ITGA8: variants seen among roughly 807,000 people sequenced by gnomAD.
ITGA8 encodes integrin subunit alpha 8.
In ITGA8, 91 loss-of-function variants were observed where a neutral mutation model predicts 142.3. The ratio of observed to expected loss-of-function variants is 0.64; its 90% CI spans 0.54 to 0.76. The LOEUF (loss-of-function observed/expected upper bound fraction) is 0.76, where lower values mean the gene tolerates loss of function less well. Among genes scored for constraint, ITGA8 ranks in the 30% least tolerant of loss-of-function variants. The pLI, the probability that ITGA8 is intolerant of heterozygous loss-of-function variation, is 0.00. For missense variants in ITGA8, 1,406 were observed against 1,327.7 expected, an observed-to-expected ratio of 1.06 and a Z score of -0.92; for synonymous variants, 505 against 485.2, an observed-to-expected ratio of 1.04 and a Z score of -0.54.
At chr10:15,718,560 C>T (rs149904705) in intron 2 of ITGA8, among the ~76,000 whole-genome samples, 4 of 152,176 alleles carry the variant, frequency 2.6e-5, no homozygotes, top group Non-Finnish European at 5.9e-5. Flanking sequence ...AAAATAGTGT[C>T]CTTTCTCTAG....
At chr10:15,673,682 G>A (rs1834572770) in intron 6 of ITGA8, among the ~76,000 whole-genome samples, 1 of 152,144 alleles carries the variant, frequency 6.6e-6, no homozygotes, top group South Asian at 2.1e-4. Flanking sequence ...TAAACTCTTT[G>A]AGCCATCTGC....
chr10:15,572,497 T>C, intron 24 of ITGA8, 128 bp from the exon 25 acceptor site: 1 of 818,886 alleles, frequency 1.2e-6, no homozygotes, highest in Admixed American at 2.8e-5. Flanking sequence ...ACTATGACTA[T>C]GGAAAATAAG....
chr10:15,520,257 CA>C lies in ITGA8; in HGVS notation c.2983-846del, dbSNP rs1833033130. 2.0e-5 allele frequency among the ~76,000 whole-genome samples: 3 copies of C among 152,074 alleles called. No homozygotes were observed. In the South Asian group the frequency reaches 6.2e-4, roughly 32 times the overall value. On this transcript the variant is annotated intron_variant, in intron 28 of 29. Coordinates refer to ENST00000378076, the MANE Select transcript of ITGA8 (RefSeq NM_003638.3). ...TGAAACCCCATCTCCACTAAAGATA[CA>C]AAAAATTAGCTGGGTGTGGTGGCGC...
intron 3 of ITGA8, among the ~76,000 whole-genome samples, chr10:15,686,699 G>C (rs1477210367): frequency 6.6e-6 from 1 of 152,108 alleles, no homozygotes; most frequent in Non-Finnish European, 1.5e-5. Flanking sequence ...TGTTCATTCT[G>C]CTAAGTTTCA....
In ITGA8 at chr10:15,694,179, T is replaced by C. The variant is rs190341374; in HGVS notation, c.344-6141A>G. 3.7e-3 allele frequency among the ~76,000 whole-genome samples: 513 copies of C among 140,336 alleles called. 3 individuals carry two copies. In the Middle Eastern group the frequency reaches 0.047, roughly 13 times the overall value. The allele number at this position is 140,336 out of a possible 152,430, so 92.1% of individuals were successfully genotyped here. A position where few individuals can be genotyped will look rare whatever the true frequency, so the allele number is the denominator to read the frequency against. ...AGATAATATATCATATATCAGATAA[T>C]ATATCATATATATGATAATATATCA... On this transcript the variant is annotated intron_variant, in intron 2 of 29. Coordinates refer to ENST00000378076, the MANE Select transcript of ITGA8 (RefSeq NM_003638.3).
intron 27 of ITGA8, among the ~76,000 whole-genome samples, chr10:15,544,446 T>C (rs1319429015): frequency 1.3e-5 from 2 of 152,114 alleles, no homozygotes; most frequent in Non-Finnish European, 2.9e-5. Flanking sequence ...AGACTTCTGG[T>C]TTTGGACTTT....
At chr10:15,530,993 T>C (rs1833278793) in intron 28 of ITGA8, 57 bp downstream of exon 28, 1 of 1,024,546 alleles carries the variant, frequency 9.8e-7, no homozygotes, top group Non-Finnish European at 1.5e-6. Context: ...TAGACAGTGA[T>C]TAAAACAATT....
At chr10:15,621,889 G>A (rs1032833841) in intron 13 of ITGA8, among the ~76,000 whole-genome samples, 1 of 152,130 alleles carries the variant, frequency 6.6e-6, no homozygotes, top group Non-Finnish European at 1.5e-5. Context: ...TGGGCACGGT[G>A]GCTCATGCCT....
chr10:15,591,853 A>G (rs777576312), intron 22 of ITGA8, among the ~76,000 whole-genome samples: 2 of 152,146 alleles, frequency 1.3e-5, no homozygotes, highest in Non-Finnish European at 2.9e-5. Flanking sequence ...TGCAAAATCT[A>G]TGCTTTTTCT....
At chr10:15,519,237 A>G in intron 29 of ITGA8, 53 bp downstream of exon 29, 1 of 1,602,232 alleles carries the variant, frequency 6.2e-7, no homozygotes, top group Non-Finnish European at 8.5e-7. Context: ...ATCCCTCTAA[A>G]TTCCCTCAAC....
At chr10:15,561,144 C>T (rs933860563) in intron 25 of ITGA8, among the ~76,000 whole-genome samples, 7 of 149,392 alleles carry the variant, frequency 4.7e-5, no homozygotes, top group Non-Finnish European at 1.0e-4. Flanking sequence ...CCTGCCTCAG[C>T]CTCCCAAAAC....
At chr10:15,545,685 T>G (rs74474281) in intron 27 of ITGA8, among the ~76,000 whole-genome samples, 3 of 2,032 alleles carry the variant, frequency 1.5e-3, no homozygotes, top group African/African-American at 1.7e-3. Flanking sequence ...AGTTTGCCTG[T>G]TTTTTTTTTT....
At chr10:15,517,337 T>C in intron 29 of ITGA8, 93 bp from the exon 30 acceptor site, 1 of 826,486 alleles carries the variant, frequency 1.2e-6, no homozygotes, top group East Asian at 2.8e-5. Context: ...TATTTTTTTT[T>C]TTTTAAACTG....
At chr10:15,523,897 A>C (rs1022913612) in intron 28 of ITGA8, among the ~76,000 whole-genome samples, 33 of 152,140 alleles carry the variant, frequency 2.2e-4, no homozygotes, top group African/African-American at 7.7e-4. Flanking sequence ...GCACCACTGC[A>C]CTCCAGCCTG....
At chr10:15,677,701 G>A (rs997546479) in intron 5 of ITGA8, 64 bp from the exon 6 acceptor site, 17 of 1,494,746 alleles carry the variant, frequency 1.1e-5, no homozygotes, top group Non-Finnish European at 1.2e-5. Flanking sequence ...TTTTTAAAGG[G>A]TGATAAATTG....
chr10:15,671,646 T>A lies in ITGA8; in HGVS notation c.804A>T (p.Gly268=), dbSNP rs1834521916. Residue 268 remains glycine (G), a splice_region_variant and synonymous_variant, in exon 8 of 30, where the codon GGA becomes GGT. Transcript: ENST00000378076. The stretch of plus-strand genomic sequence containing the variant: ...TAAACTCCCCAGCAGCAACTGAGTA[T>A]CCTGTTTTAAAGAAAAAGAAACAAA... ...APASYDDSYL[G]YSVAAGEFTG... The A allele has an allele frequency of 1.5e-5, 24 of 1,611,938 alleles. No homozygotes were observed. The highest frequency in any genetic ancestry group is 2.0e-5 in the Non-Finnish European group (23 of 1,178,218).
At chr10:15,583,444 C>T (rs1834450965) in intron 23 of ITGA8, among the ~76,000 whole-genome samples, 2 of 152,126 alleles carry the variant, frequency 1.3e-5, no homozygotes, top group Non-Finnish European at 2.9e-5. Context: ...AGCAAACCAT[C>T]ATGGCACTTG....
intron 2 of ITGA8, among the ~76,000 whole-genome samples, chr10:15,717,061 G>C (rs572503144): frequency 5.7e-4 from 87 of 152,194 alleles, no homozygotes; most frequent in Middle Eastern, 3.4e-3. Context: ...TTAATCTGTT[G>C]GCCTATGACA....
chr10:15,585,753 T>C (rs1392728851), intron 23 of ITGA8, among the ~76,000 whole-genome samples: 6 of 152,306 alleles, frequency 3.9e-5, no homozygotes, highest in East Asian at 3.9e-4. Flanking sequence ...GGTAGTCATT[T>C]CCTTGACCCT....
Sources: allele counts gnomAD v4.1 joint callset (sites outside exome capture counted in the v4.1 genomes callset), GRCh38; gene constraint gnomAD v4.1.1; transcripts MANE v1.5; gene names NCBI Gene and HGNC (gene_info 2026-07-23, HGNC 2026-07-21).